The following CREBZF variants were observed in gnomAD, a reference collection of about 807,000 sequenced individuals.
The protein encoded by CREBZF is CREB/ATF bZIP transcription factor, also known as HCF-binding transcription factor Zhangfei.
A neutral mutation model predicts 21.1 loss-of-function variants in CREBZF; 8 were observed. The observed-to-expected ratio is 0.38, with a 90% CI of 0.22 to 0.68. CREBZF has a LOEUF of 0.68. Ranked by LOEUF, CREBZF falls within the 30% of genes least tolerant of loss-of-function variation. CREBZF has a pLI of 0.51. For synonymous variants in CREBZF, 270 were observed against 223.3 expected (o/e 1.21, Z -1.86); for missense variants, 518 against 484.3 (o/e 1.07, Z -0.65).
Position 85,662,500 on chromosome 11 carries a change from T to C in CREBZF, c.*1311A>G, listed in dbSNP as rs1362371224. The C allele has an allele frequency of 2.9e-6, 2 of 700,380 alleles. No individual in the cohort carries two copies. Among genetic ancestry groups the C allele is most frequent in the Non-Finnish European group, 5.3e-6 (2 of 376,346 alleles). The allele number at this position is 700,380 out of a possible 1,614,324, so 43.4% of individuals were successfully genotyped here. Reference sequence around the variant, plus strand: ...ACAAGGATGCTAAATACGTATATACTTTATCAAGCAGTGATGTTTCACAAA... The same window carrying C: ...ACAAGGATGCTAAATACGTATATACCTTATCAAGCAGTGATGTTTCACAAA... On this transcript the variant is annotated 3_prime_UTR_variant, in exon 1 of 1. Coordinates refer to ENST00000527447, the MANE Select transcript of CREBZF (RefSeq NM_001039618.4).
Position 85,664,763 on chromosome 11 carries a change from GC to G in CREBZF, c.112del (p.Ala38LeufsTer130). On this transcript the variant is annotated frameshift_variant, in exon 1 of 1. Coordinates refer to ENST00000527447, the MANE Select transcript of CREBZF (RefSeq NM_001039618.4). LOFTEE classifies it high-confidence loss of function. The surrounding 1 kb of genome is among the most constrained non-coding windows in gnomAD (Gnocchi z 5.5). Reference sequence around the variant, plus strand: ...CGCCGTCTCCTCCTCCCCCGCTGCAGCCCGGGTCAGGTCAGAGGGCAGCGAA... The same window carrying G: ...CGCCGTCTCCTCCTCCCCCGCTGCAGCCGGGTCAGGTCAGAGGGCAGCGAA... Reference protein sequence around the residue: ...TCSLPSDLTRAAAGEEETAAA... With the variant: ...TCSLPSDLTRXAAGEEETAAA... 6.2e-7 allele frequency: 1 copy of G among 1,607,812 alleles called. No homozygotes were observed. Among genetic ancestry groups the G allele is most frequent in the Non-Finnish European group, 8.5e-7 (1 of 1,178,366 alleles).
chr11:85,662,704 G>T lies in CREBZF; in HGVS notation c.*1107C>A, dbSNP rs1189726317. The T allele has an allele frequency of 2.8e-6, 1 of 353,388 alleles. No homozygotes were observed. Among genetic ancestry groups the T allele is most frequent in the African/African-American group, 2.1e-5 (1 of 48,220 alleles). The allele number at this position is 353,388 out of a possible 1,614,324, so 21.9% of individuals were successfully genotyped here. ...ATAGGACAAATACTTTTGAAACACA[G>T]AGAATAAGATTCTTTGTGAAGCCTC... On this transcript the variant is annotated 3_prime_UTR_variant, in exon 1 of 1. Coordinates refer to ENST00000527447, the MANE Select transcript of CREBZF (RefSeq NM_001039618.4).
chr11:85,659,302 C>T lies in CREBZF; in HGVS notation c.*4509G>A, dbSNP rs2082607653. Among the ~76,000 whole-genome samples, 1 of 151,938 alleles carries T rather than the reference C, an allele frequency of 6.6e-6. No homozygotes were observed. The highest frequency in any genetic ancestry group is 2.1e-4 in the South Asian group (1 of 4,834). ...TTCAAAATGCTGAACTAGATAATCA[C>T]ATATTAAAAAGGTAATGACTCATTA... On this transcript the variant is annotated 3_prime_UTR_variant, in exon 1 of 1. Coordinates refer to ENST00000527447, the MANE Select transcript of CREBZF (RefSeq NM_001039618.4).
chr11:85,663,412 C>G lies in CREBZF; in HGVS notation c.*399G>C. ...GGCCCAAATTAGATTTCCCTCCCAC[C>G]TTCCAAAACAGAAAAAAAAAAAAAA... On this transcript the variant is annotated 3_prime_UTR_variant, in exon 1 of 1. Coordinates refer to ENST00000527447, the MANE Select transcript of CREBZF (RefSeq NM_001039618.4). 1.5e-6 allele frequency: 1 copy of G among 669,908 alleles called. No individual in the cohort carries two copies. Among genetic ancestry groups the G allele is most frequent in the South Asian group, 1.7e-5 (1 of 58,930 alleles). The allele number at this position is 669,908 out of a possible 1,614,324, so 41.5% of individuals were successfully genotyped here. A position where few individuals can be genotyped will look rare whatever the true frequency, so the allele number is the denominator to read the frequency against.
Position 85,665,078 on chromosome 11 carries a change from G to A in CREBZF, c.-203C>T, listed in dbSNP as rs1225339948. 9.2e-6 allele frequency: 4 copies of A among 432,738 alleles called. No individual in the cohort carries two copies. Among genetic ancestry groups the A allele is most frequent in the East Asian group, 7.1e-5 (2 of 28,298 alleles). 26.8% of individuals were successfully genotyped at this position (432,738 alleles called of 1,614,324 possible). On this transcript the variant is annotated 5_prime_UTR_variant, in exon 1 of 1. Coordinates refer to ENST00000527447, the MANE Select transcript of CREBZF (RefSeq NM_001039618.4). ...GAGGGACGGGAGAACGAAGCGGTGA[G>A]GCCCTGCGATGACTCGACCGCGCCA...
Position 85,663,976 on chromosome 11 carries a change from G to C in CREBZF, c.900C>G (p.Pro300=), listed in dbSNP as rs770552159. Residue 300 remains proline (P), a synonymous_variant, in exon 1 of 1, where the codon CCC becomes CCG. Coordinates refer to ENST00000527447, the MANE Select transcript of CREBZF (RefSeq NM_001039618.4). ...GCAGAGCGTAGTCGTGGTCACCGGC[G>C]GGCGAGTCTCTGAAGAGCGAGGTGG... ...RLTTSLFRDS[P]AGDHDYALPV... is the part of the protein sequence containing the mutation. 1.2e-6 allele frequency: 2 copies of C among 1,613,318 alleles called. No homozygotes were observed. Among genetic ancestry groups the C allele is most frequent in the Non-Finnish European group, 1.7e-6 (2 of 1,179,962 alleles).
rs2082699630 is a variant in CREBZF, at chr11:85,662,026, C to T, written c.*1785G>A. ...TAGGCACTAAAAACCCATGCAGCTG[C>T]ATTGTGAGGGGCTTGCTCCTGCCCT... On this transcript the variant is annotated 3_prime_UTR_variant, in exon 1 of 1. Transcript: ENST00000527447. 6.2e-6 allele frequency: 1 copy of T among 162,162 alleles called. No individual in the cohort carries two copies. Among genetic ancestry groups the T allele is most frequent in the African/African-American group, 2.4e-5 (1 of 41,352 alleles). The allele number at this position is 162,162 out of a possible 1,614,324, so 10.0% of individuals were successfully genotyped here.
chr11:85,672,579 A>T (rs760111178), intron 1 of CREBZF, among the ~76,000 whole-genome samples: 4 of 152,134 alleles, frequency 2.6e-5, no homozygotes, highest in Non-Finnish European at 5.9e-5. Context: ...AGTTCCACAG[A>T]TCTCTAAGAC....
At chr11:85,682,027 T>C (rs868572674) in intron 1 of CREBZF, among the ~76,000 whole-genome samples, 1 of 152,142 alleles carries the variant, frequency 6.6e-6, no homozygotes, top group African/African-American at 2.4e-5. Flanking sequence ...TCCTTGATAG[T>C]ACCCAGAACA....
In CREBZF at chr11:85,660,374, T is replaced by C. The variant is rs2082639575; in HGVS notation, c.*3437A>G. On this transcript the variant is annotated 3_prime_UTR_variant, in exon 1 of 1. Coordinates refer to ENST00000527447, the MANE Select transcript of CREBZF (RefSeq NM_001039618.4). ...GTTCCAAGATTAACTTAGTCTCATG[T>C]ATCTCTATTAAGTCTTTCAAGGATT... The C allele has an allele frequency of 8.7e-6, 2 of 228,906 alleles. No homozygotes were observed. Among genetic ancestry groups the C allele is most frequent in the Non-Finnish European group, 1.8e-5 (2 of 112,818 alleles). The allele number at this position is 228,906 out of a possible 1,614,324, so 14.2% of individuals were successfully genotyped here. A position where few individuals can be genotyped will look rare whatever the true frequency, so the allele number is the denominator to read the frequency against.
chr11:85,675,430 T>C (rs545534056), intron 1 of CREBZF, among the ~76,000 whole-genome samples: 10 of 152,280 alleles, frequency 6.6e-5, no homozygotes, highest in Admixed American at 2.6e-4. Flanking sequence ...GACTGGGGAA[T>C]GGCCAGTCAG....
chr11:85,664,771 C>G lies in CREBZF; in HGVS notation c.105G>C (p.Leu35=). Residue 35 remains leucine (L), a synonymous_variant, in exon 1 of 1, where the codon CTG becomes CTC. Transcript: ENST00000527447. This position sits in a 1 kb window ranked among gnomAD's most constrained non-coding sequence, Gnocchi z 5.5. ...PAATCSLPSD[L]TRAAAGEEET... is the part of the protein sequence containing the mutation. Reference sequence around the variant, plus strand: ...CCTCCTCCCCCGCTGCAGCCCGGGTCAGGTCAGAGGGCAGCGAACAAGTTG... The same window carrying G: ...CCTCCTCCCCCGCTGCAGCCCGGGTGAGGTCAGAGGGCAGCGAACAAGTTG... 6.2e-7 allele frequency: 1 copy of G among 1,606,342 alleles called. No homozygotes were observed. The highest frequency in any genetic ancestry group is 2.2e-5 in the East Asian group (1 of 44,818).
chr11:85,659,161 T>A lies in CREBZF; in HGVS notation c.*4650A>T, dbSNP rs1185748221. Reference sequence around the variant, plus strand: ...AACATTTAGGAGTCTCAAAACTTTGTATTGGCTGTGAGTCTGGGGGAAAAA... The same window carrying A: ...AACATTTAGGAGTCTCAAAACTTTGAATTGGCTGTGAGTCTGGGGGAAAAA... On this transcript the variant is annotated 3_prime_UTR_variant, in exon 1 of 1. Coordinates refer to ENST00000527447, the MANE Select transcript of CREBZF (RefSeq NM_001039618.4). Among the ~76,000 whole-genome samples the A allele has an allele frequency of 2.6e-5, 4 of 152,064 alleles. No homozygotes were observed. Among genetic ancestry groups the A allele is most frequent in the Non-Finnish European group, 5.9e-5 (4 of 67,926 alleles).
intron 1 of CREBZF, among the ~76,000 whole-genome samples, chr11:85,681,239 G>T (rs950402204): frequency 2.0e-5 from 3 of 152,134 alleles, no homozygotes; most frequent in African/African-American, 7.2e-5. Context: ...GAATATCCCT[G>T]ACCTGACTCA....
At chr11:85,678,186 T>G (rs191654252) in intron 1 of CREBZF, among the ~76,000 whole-genome samples, 51 of 152,308 alleles carry the variant, frequency 3.3e-4, no homozygotes, top group African/African-American at 1.2e-3. Context: ...ACCTAGATTT[T>G]TCAGGTTTAT....
upstream of CREBZF, among the ~76,000 whole-genome samples, chr11:85,668,927 G>A (rs1206924610): frequency 4.3e-5 from 6 of 138,720 alleles, no homozygotes; most frequent in African/African-American, 1.6e-4. Flanking sequence ...GCGTGAACCT[G>A]GGAGGCGGAG....
chr11:85,662,509 C>T lies in CREBZF; in HGVS notation c.*1302G>A. On this transcript the variant is annotated 3_prime_UTR_variant, in exon 1 of 1. Coordinates refer to ENST00000527447, the MANE Select transcript of CREBZF (RefSeq NM_001039618.4). Reference sequence around the variant, plus strand: ...CTAAATACGTATATACTTTATCAAGCAGTGATGTTTCACAAAGAATTTCTT... The same window carrying T: ...CTAAATACGTATATACTTTATCAAGTAGTGATGTTTCACAAAGAATTTCTT... 2 of 694,046 alleles carry T rather than the reference C, an allele frequency of 2.9e-6. No individual in the cohort carries two copies. The highest frequency in any genetic ancestry group is 1.5e-5 in the South Asian group (1 of 65,266). The allele number at this position is 694,046 out of a possible 1,614,324, so 43.0% of individuals were successfully genotyped here.
In CREBZF at chr11:85,664,646, GCGCGCACGGCCACGCCGCCGC is replaced by G. The variant is rs886777972; in HGVS notation, c.209_229del (p.Arg70_Ala77delinsPro). The G allele has an allele frequency of 3.1e-6, 5 of 1,607,222 alleles. No individual in the cohort carries two copies. In the African/African-American group the frequency reaches 5.4e-5, roughly 17 times the overall value. On this transcript the variant is annotated inframe_deletion, in exon 1 of 1. Transcript: ENST00000527447. This position sits in a 1 kb window ranked among gnomAD's most constrained non-coding sequence, Gnocchi z 5.5. ...CTCCTCCATCTCCTCGGGGGAGGGC[GCGCGCACGGCCACGCCGCCGC>G]GGCTCCCCCTCCCGGCTTCCAACTC...
chr11:85,673,112 A>G (rs17208602), intron 1 of CREBZF, among the ~76,000 whole-genome samples: 5,366 of 152,298 alleles, frequency 0.035, 142 homozygotes, highest in East Asian at 0.097. Context: ...ACGTTTTTGC[A>G]ACACAGAAAA....
Sources: gnomAD v4.1 joint callset for allele counts (sites outside exome capture counted in the v4.1 genomes callset) on GRCh38, gnomAD v4.1.1 for gene constraint, Gnocchi (gnomAD v3.1) non-coding constraint, MANE v1.5 for transcripts, NCBI Gene and HGNC (gene_info 2026-07-23, HGNC 2026-07-21) for gene names.